Variants in RORA observed in about 807,000 individuals in gnomAD.
RORA encodes the protein RAR related orphan receptor A, also known as nuclear receptor ROR-alpha.
RORA carries 7 observed loss-of-function variants against 69.5 expected under a neutral mutation model. That is an observed-to-expected ratio of 0.10 (90% CI 0.06 to 0.19). The LOEUF (loss-of-function observed/expected upper bound fraction) is 0.19, where lower values mean the gene tolerates loss of function less well. RORA is among the 10% of genes least tolerant of loss of function. The pLI is 1.00. For missense variants in RORA, 457 were observed against 663.0 expected, an observed-to-expected ratio of 0.69 and a Z score of 3.41; for synonymous variants, 261 against 240.8, an observed-to-expected ratio of 1.08 and a Z score of -0.78.
intron 1 of RORA, among the ~76,000 whole-genome samples, chr15:61,212,398 T>G (rs1432264889): frequency 1.3e-5 from 2 of 152,160 alleles, no homozygotes; most frequent in African/African-American, 4.8e-5. Flanking sequence ...TCTGACTTTA[T>G]TTTTACTTAT....
chr15:61,102,367 C>G (rs1359959760), intron 1 of RORA, among the ~76,000 whole-genome samples: 1 of 152,146 alleles, frequency 6.6e-6, no homozygotes, highest in Admixed American at 6.5e-5. Flanking sequence ...ATAAACATCC[C>G]TCCCTTAAAA....
chr15:61,075,031 G>A (rs2078427809), intron 1 of RORA, among the ~76,000 whole-genome samples: 1 of 151,550 alleles, frequency 6.6e-6, no homozygotes, highest in Admixed American at 6.6e-5. Flanking sequence ...AGCTTGCAGT[G>A]AGCAGGGATC....
intron 1 of RORA, among the ~76,000 whole-genome samples, chr15:60,944,546 A>G (rs1411433083): frequency 4.6e-5 from 7 of 152,062 alleles, no homozygotes; most frequent in Admixed American, 2.6e-4. Context: ...GTGAAACCCC[A>G]TCTCTACCAC....
chr15:60,725,980 G>A (rs373620271), intron 1 of RORA, among the ~76,000 whole-genome samples: 2 of 152,038 alleles, frequency 1.3e-5, no homozygotes, highest in East Asian at 1.9e-4. Flanking sequence ...GGTTTGGGGG[G>A]CACACAACAT....
intron 1 of RORA, among the ~76,000 whole-genome samples, chr15:60,841,480 C>G (rs1308819826): frequency 6.6e-6 from 1 of 152,222 alleles, no homozygotes; most frequent in Admixed American, 6.5e-5. Flanking sequence ...CTCTCCCTCT[C>G]TCTCTCTCCT....
At chr15:60,702,346 C>T (rs2070995791) in intron 1 of RORA, among the ~76,000 whole-genome samples, 1 of 152,196 alleles carries the variant, frequency 6.6e-6, no homozygotes, top group Admixed American at 6.5e-5. Context: ...ATTCTCCTGC[C>T]TCAGCCTCCC....
intron 1 of RORA, among the ~76,000 whole-genome samples, chr15:61,116,605 G>C (rs1319650173): frequency 1.3e-5 from 2 of 152,182 alleles, no homozygotes; most frequent in Non-Finnish European, 2.9e-5. Flanking sequence ...AAATTGGAGA[G>C]GGCATGAAGC....
At chr15:60,941,267 T>G (rs1052380581) in intron 1 of RORA, among the ~76,000 whole-genome samples, 2 of 152,246 alleles carry the variant, frequency 1.3e-5, no homozygotes, top group African/African-American at 2.4e-5. Context: ...GTGGTTTCAC[T>G]TCCTTGGACT....
intron 2 of RORA, among the ~76,000 whole-genome samples, chr15:60,641,611 A>T (rs2069945565): frequency 6.6e-6 from 1 of 151,812 alleles, no homozygotes; most frequent in Non-Finnish European, 1.5e-5. Context: ...GGGTTTCACC[A>T]TGTTGGCCGG....
intron 1 of RORA, among the ~76,000 whole-genome samples, chr15:61,194,384 C>G (rs1044303801): frequency 6.6e-6 from 1 of 151,888 alleles, no homozygotes; most frequent in Non-Finnish European, 1.5e-5. Flanking sequence ...TTGTTGAAAC[C>G]CTGTCTCTAC....
chr15:60,707,432 C>T (rs947303467), intron 1 of RORA, among the ~76,000 whole-genome samples: 3 of 151,498 alleles, frequency 2.0e-5, no homozygotes, highest in African/African-American at 4.9e-5. Flanking sequence ...GGCGTGATCT[C>T]GGCTCACTGC....
chr15:60,909,225 C>T (rs2062091), intron 1 of RORA, among the ~76,000 whole-genome samples: 73,428 of 152,078 alleles, frequency 0.48, 20,539 homozygotes, highest in East Asian at 0.62. Context: ...AAGCTTCGAC[C>T]TGCTTGGAGT....
chr15:61,177,352 C>T (rs2079638930), intron 1 of RORA, among the ~76,000 whole-genome samples: 2 of 152,078 alleles, frequency 1.3e-5, no homozygotes, highest in Non-Finnish European at 1.5e-5. Flanking sequence ...TCACCCGAGA[C>T]GTTTTACATC....
intron 2 of RORA, among the ~76,000 whole-genome samples, chr15:60,653,762 GT>G (rs1449309586): frequency 6.8e-6 from 1 of 146,130 alleles, no homozygotes; most frequent in Non-Finnish European, 1.5e-5. Flanking sequence ...CTCAAGCCCT[GT>G]TTCAGCCACC....
chr15:60,592,630 GGCGGGA>G, intron 2 of RORA: 1 of 586,750 alleles, frequency 1.7e-6, no homozygotes, highest in Non-Finnish European at 2.0e-6. Context: ...TTCCTCCCGG[GGCGGGA>G]GGCGGGAGGC....
chr15:61,101,944 T>C (rs558051883), intron 1 of RORA, among the ~76,000 whole-genome samples: 1 of 152,182 alleles, frequency 6.6e-6, no homozygotes, highest in South Asian at 2.1e-4. Flanking sequence ...GGTTTGTGTG[T>C]GCTCGGAGCT....
intron 1 of RORA, among the ~76,000 whole-genome samples, chr15:61,065,537 A>C (rs1253533316): frequency 6.6e-6 from 1 of 152,224 alleles, no homozygotes; most frequent in Non-Finnish European, 1.5e-5. Flanking sequence ...AATAAAACAA[A>C]AAAAAGGTAT....
chr15:60,973,105 G>A (rs1321875619), intron 1 of RORA, among the ~76,000 whole-genome samples: 1 of 152,154 alleles, frequency 6.6e-6, no homozygotes, highest in African/African-American at 2.4e-5. Context: ...GCAGGGCATG[G>A]GGAGGACACG....
chr15:61,114,473 T>C (rs111582464), intron 1 of RORA, among the ~76,000 whole-genome samples: 3 of 152,338 alleles, frequency 2.0e-5, no homozygotes, highest in African/African-American at 7.2e-5. Flanking sequence ...TGGTTTCTCA[T>C]ACAGATTTGT....
Sources: gnomAD v4.1 joint callset for allele counts (sites outside exome capture counted in the v4.1 genomes callset) on GRCh38, gnomAD v4.1.1 for gene constraint, MANE v1.5 for transcripts, NCBI Gene and HGNC (gene_info 2026-07-23, HGNC 2026-07-21) for gene names.